CEP112: variants seen among roughly 807,000 people sequenced by gnomAD.
The protein encoded by CEP112 is centrosomal protein of 112 kDa.
In CEP112, 127 loss-of-function variants were observed where a neutral mutation model predicts 153.0. That is an observed-to-expected ratio of 0.83 (90% CI 0.72 to 0.96). CEP112 has a LOEUF of 0.96. CEP112 is among the 40% of genes least tolerant of loss of function. The probability of loss-of-function intolerance (pLI) is 0.00; values close to 1 mark genes in which losing one functional copy is unlikely to be tolerated. For synonymous variants in CEP112, 358 were observed against 374.4 expected (o/e 0.96, Z 0.51); for missense variants, 1,089 against 1,101.2 (o/e 0.99, Z 0.16).
At chr17:66,167,518 C>T (rs1377921244) in intron 4 of CEP112, among the ~76,000 whole-genome samples, 2 of 152,082 alleles carry the variant, frequency 1.3e-5, no homozygotes, top group Non-Finnish European at 2.9e-5. Context: ...CAGATGGTTG[C>T]CAAGTGTCAG....
intron 18 of CEP112, among the ~76,000 whole-genome samples, chr17:65,955,421 A>G (rs1253799806): frequency 5.3e-5 from 8 of 152,320 alleles, no homozygotes; most frequent in Admixed American, 1.3e-4. Flanking sequence ...CACAGGACCT[A>G]TATAACAATA....
At chr17:65,768,264 A>AAAAAATAAAGAAGAAAAAT (rs2053120678) in intron 21 of CEP112, among the ~76,000 whole-genome samples, 1 of 152,110 alleles carries the variant, frequency 6.6e-6, no homozygotes, top group African/African-American at 2.4e-5. Context: ...AAATATATTT[A>AAAAAATAAAGAAGAAAAAT]ATATTCATTA....
intron 16 of CEP112, among the ~76,000 whole-genome samples, chr17:66,010,096 T>A (rs1175917585): frequency 1.3e-5 from 2 of 152,218 alleles, no homozygotes; most frequent in Non-Finnish European, 1.5e-5. Flanking sequence ...TCCATGAGGA[T>A]GAAGTGTTTT....
intron 20 of CEP112, among the ~76,000 whole-genome samples, chr17:65,894,195 A>C (rs1454093800): frequency 6.6e-6 from 1 of 152,158 alleles, no homozygotes; most frequent in Middle Eastern, 3.2e-3. Flanking sequence ...AACTCAAGGC[A>C]TATTTCCTTA....
chr17:65,932,861 T>C (rs1208803187), intron 18 of CEP112, among the ~76,000 whole-genome samples: 1 of 148,692 alleles, frequency 6.7e-6, no homozygotes, highest in Non-Finnish European at 1.5e-5. Context: ...AATTACAATC[T>C]GAAATGAAAT....
At chr17:65,713,609 T>C (rs1025004654) in intron 23 of CEP112, among the ~76,000 whole-genome samples, 2 of 152,118 alleles carry the variant, frequency 1.3e-5, no homozygotes, top group African/African-American at 2.4e-5. Flanking sequence ...TTTTTTGAGA[T>C]GGAGTCTCGC....
intron 12 of CEP112, among the ~76,000 whole-genome samples, chr17:66,034,974 A>ATGTGTGTGTGTGTGTGTG (rs1568411223): frequency 0.023 from 826 of 35,982 alleles, 8 homozygotes; most frequent in Admixed American, 0.027. Flanking sequence ...AAGTTTTTGC[A>ATGTGTGTGTGTGTGTGTG]TGTATATATA....
At chr17:65,688,375 G>C (rs2047921616) in intron 24 of CEP112, 1 of 152,176 alleles carries the variant, frequency 6.6e-6, no homozygotes, top group Non-Finnish European at 1.5e-5. Flanking sequence ...CCAGCAGGTG[G>C]GTCCTGATTA....
intron 20 of CEP112, among the ~76,000 whole-genome samples, chr17:65,869,815 G>C (rs2058595629): frequency 6.6e-6 from 1 of 151,792 alleles, no homozygotes; most frequent in African/African-American, 2.4e-5. Flanking sequence ...TCGATCTCCT[G>C]ACCTCGTGAT....
In CEP112 at chr17:66,044,057, C is replaced by T. The variant is rs9894453; in HGVS notation, c.1218+9679G>A. On this transcript the variant is annotated intron_variant, in intron 12 of 26. Coordinates refer to ENST00000535342, the MANE Select transcript of CEP112 (RefSeq NM_001199165.4). ...GTTTCTCTATATTTACTAGTATTAC[C>T]TATGACAAGGTTTGAATGCTAATTT... 5.8e-3 allele frequency among the ~76,000 whole-genome samples: 885 copies of T among 152,126 alleles called. 10 individuals carry two copies. The highest frequency in any genetic ancestry group is 0.021 in the African/African-American group (854 of 41,506).
chr17:66,063,010 T>A lies in CEP112; in HGVS notation c.1027A>T (p.Ile343Leu). 2 of 1,602,264 alleles carry A rather than the reference T, an allele frequency of 1.2e-6. No individual in the cohort carries two copies. The highest frequency in any genetic ancestry group is 1.7e-6 in the Non-Finnish European group (2 of 1,174,608). ...KEDQIAELKK[I>L]CEQSTESLNN... ...AGAGATTCCGTACTTTGTTCACATATCTTTTTCAGCTCTGCAATCTGGTCT... is the reference window on the plus strand; with the variant it reads ...AGAGATTCCGTACTTTGTTCACATAACTTTTTCAGCTCTGCAATCTGGTCT... The change falls in exon 11 of 27, where the codon ATA (isoleucine) becomes TTA (leucine). Residue 343 changes from isoleucine (I) to leucine (L), a missense_variant. By Grantham distance (5) the Ile-to-Leu change is conservative (BLOSUM62 2). Coordinates refer to ENST00000535342, the MANE Select transcript of CEP112 (RefSeq NM_001199165.4).
intron 6 of CEP112, among the ~76,000 whole-genome samples, chr17:66,110,946 G>A (rs2069011531): frequency 6.6e-6 from 1 of 152,058 alleles, no homozygotes; most frequent in South Asian, 2.1e-4. Flanking sequence ...CAGAATGGGA[G>A]AAAATGTTTG....
intron 4 of CEP112, 48 bp downstream of exon 4, chr17:66,174,996 A>C (rs200771976): frequency 7.6e-7 from 1 of 1,324,458 alleles, no homozygotes; most frequent in African/African-American, 1.5e-5. Context: ...AGTTCCAAAG[A>C]CAGACTAAAT....
At chr17:65,847,320 C>G (rs546409333) in intron 21 of CEP112, among the ~76,000 whole-genome samples, 5 of 152,256 alleles carry the variant, frequency 3.3e-5, no homozygotes, top group African/African-American at 1.2e-4. Context: ...ACCCATGCTC[C>G]CTCCTCTACC....
At chr17:66,066,960 T>G in intron 9 of CEP112, 83 bp from the exon 10 acceptor site, 1 of 852,114 alleles carries the variant, frequency 1.2e-6, no homozygotes, top group Non-Finnish European at 1.7e-6. Context: ...TATTTAATTC[T>G]AAAACATAAA....
chr17:66,108,730 A>G (rs1309234170), intron 6 of CEP112, among the ~76,000 whole-genome samples: 1 of 152,168 alleles, frequency 6.6e-6, no homozygotes, highest in Non-Finnish European at 1.5e-5. Flanking sequence ...TTAAAAATAG[A>G]ATTAACATAT....
intron 23 of CEP112, among the ~76,000 whole-genome samples, chr17:65,710,475 T>C (rs2049122008): frequency 6.6e-6 from 1 of 152,204 alleles, no homozygotes; most frequent in Non-Finnish European, 1.5e-5. Flanking sequence ...TATGAGCCCA[T>C]GATATTTGTA....
At chr17:66,171,359 G>A (rs1401806870) in intron 4 of CEP112, among the ~76,000 whole-genome samples, 1 of 152,122 alleles carries the variant, frequency 6.6e-6, no homozygotes, top group African/African-American at 2.4e-5. Flanking sequence ...AAGTTGAAGT[G>A]GCTGTAAAAT....
chr17:65,653,145 A>C (rs2045873315), intron 24 of CEP112, among the ~76,000 whole-genome samples: 2 of 152,242 alleles, frequency 1.3e-5, no homozygotes, highest in Admixed American at 1.3e-4. Context: ...TTAGGGATTC[A>C]ACATATGAAT....
Sources: allele counts gnomAD v4.1 joint callset (sites outside exome capture counted in the v4.1 genomes callset), GRCh38; gene constraint gnomAD v4.1.1; transcripts MANE v1.5; gene names NCBI Gene and HGNC (gene_info 2026-07-23, HGNC 2026-07-21).